CERKL: variants seen among roughly 807,000 people sequenced by gnomAD.
CERKL encodes the protein ceramide kinase-like protein.
In CERKL, 61 loss-of-function variants were observed where a neutral mutation model predicts 63.4. The ratio of observed to expected loss-of-function variants is 0.96; its 90% CI spans 0.78 to 1.19. The LOEUF is 1.19. Among genes scored for constraint, CERKL ranks in the 50% most tolerant of loss-of-function variants. The probability of loss-of-function intolerance (pLI) is 0.00; values close to 1 mark genes in which losing one functional copy is unlikely to be tolerated. For synonymous variants in CERKL, 250 were observed against 230.5 expected (o/e 1.08, Z -0.77); for missense variants, 675 against 655.5 (o/e 1.03, Z -0.33).
In CERKL at chr2:181,653,757, G is replaced by T. The variant is rs1346732737; in HGVS notation, c.238+3012C>A. Among the ~76,000 whole-genome samples the T allele has an allele frequency of 2.0e-5, 3 of 152,114 alleles. No individual in the cohort carries two copies. The East Asian group carries it at 5.8e-4, about 29-fold the overall frequency. ...GTTACCAGAGACTGGGAAGGGGAGG[G>T]GAGAAGGAAGGATGGAGAGAGGTTA... is the stretch of plus-strand genomic sequence containing the variant. On this transcript the variant is annotated intron_variant, in intron 1 of 12. Coordinates refer to ENST00000410087, the MANE Select transcript of CERKL (RefSeq NM_201548.5).
At chr2:181,645,691 T>G (rs185302350) in intron 1 of CERKL, among the ~76,000 whole-genome samples, 1 of 152,254 alleles carries the variant, frequency 6.6e-6, no homozygotes, top group Admixed American at 6.5e-5. Flanking sequence ...TCTTTCACTA[T>G]GCCCTTTTGG....
intron 1 of CERKL, among the ~76,000 whole-genome samples, chr2:181,623,252 G>T (rs1406186876): frequency 6.6e-6 from 1 of 152,098 alleles, no homozygotes; most frequent in Non-Finnish European, 1.5e-5. Context: ...AAGACACAAG[G>T]TGATCAGAAA....
At chr2:181,629,273 T>C (rs1686848179) in intron 1 of CERKL, among the ~76,000 whole-genome samples, 1 of 152,136 alleles carries the variant, frequency 6.6e-6, no homozygotes, top group Non-Finnish European at 1.5e-5. Context: ...AAAAATAATA[T>C]TGGTGCCCTC....
At chr2:181,603,051 C>T (rs1324969841) in intron 2 of CERKL, 1 of 203,762 alleles carries the variant, frequency 4.9e-6, no homozygotes, top group Non-Finnish European at 1.1e-5. Flanking sequence ...TTCAGATACA[C>T]TGAATTCATT....
chr2:181,589,576 T>C (rs775385409), intron 2 of CERKL, among the ~76,000 whole-genome samples: 2 of 152,216 alleles, frequency 1.3e-5, no homozygotes, highest in Non-Finnish European at 2.9e-5. Flanking sequence ...GGGACAAAGA[T>C]GGACTTTTCA....
chr2:181,650,746 C>A, intron 1 of CERKL, among the ~76,000 whole-genome samples: 1 of 148,336 alleles, frequency 6.7e-6, no homozygotes. Flanking sequence ...GCAACAAGAG[C>A]GAAACTCCAT....
intron 5 of CERKL, among the ~76,000 whole-genome samples, chr2:181,551,188 T>C (rs1381701313): frequency 2.0e-5 from 3 of 152,198 alleles, no homozygotes; most frequent in Non-Finnish European, 2.9e-5. Context: ...CATGATCTTA[T>C]TTATTTAGGA....
intron 1 of CERKL, among the ~76,000 whole-genome samples, chr2:181,633,747 T>C (rs1241121890): frequency 2.0e-5 from 3 of 152,164 alleles, no homozygotes; most frequent in East Asian, 3.8e-4. Flanking sequence ...CTAACTACAA[T>C]AGAATGAGTG....
At chr2:181,549,167 A>G (rs1050712330) in intron 6 of CERKL, among the ~76,000 whole-genome samples, 3 of 152,222 alleles carry the variant, frequency 2.0e-5, no homozygotes, top group African/African-American at 7.2e-5. Context: ...ACAGTAGTTT[A>G]GTGTTACATA....
At chr2:181,604,559 T>C (rs865907367) in intron 1 of CERKL, among the ~76,000 whole-genome samples, 4 of 152,172 alleles carry the variant, frequency 2.6e-5, no homozygotes, top group African/African-American at 4.8e-5. Flanking sequence ...CATCTGAGGA[T>C]AGTCAATGTA....
In CERKL at chr2:181,547,803, G is replaced by C; in HGVS notation, c.1159+19C>G. 1 of 1,613,910 alleles carries C rather than the reference G, an allele frequency of 6.2e-7. No individual in the cohort carries two copies. Among genetic ancestry groups the C allele is most frequent in the South Asian group, 1.1e-5 (1 of 91,074 alleles). ...AACAGAACCTGGCACAGTTCTCAAG[G>C]AGATACTTTTCGACTCACCAGATTT... On this transcript the variant is annotated intron_variant, in intron 9 of 12. Transcript: ENST00000410087.
At chr2:181,647,241 GTAA>G (rs992132313) in intron 1 of CERKL, among the ~76,000 whole-genome samples, 6 of 152,202 alleles carry the variant, frequency 3.9e-5, no homozygotes, top group Admixed American at 3.9e-4. Context: ...GTCTGAAGCT[GTAA>G]TAATGATTGC....
intron 4 of CERKL, among the ~76,000 whole-genome samples, chr2:181,560,701 T>C (rs1688401662): frequency 6.6e-6 from 1 of 152,122 alleles, no homozygotes. Context: ...GAACAGGGAT[T>C]TGAAATAAGA....
At chr2:181,602,541 G>A (rs1392976038) in intron 2 of CERKL, among the ~76,000 whole-genome samples, 1 of 151,268 alleles carries the variant, frequency 6.6e-6, no homozygotes, top group Non-Finnish European at 1.5e-5. Context: ...AAATAACCAA[G>A]TCTTCTTGGA....
At chr2:181,611,464 G>C (rs1685966890) in intron 1 of CERKL, among the ~76,000 whole-genome samples, 1 of 152,038 alleles carries the variant, frequency 6.6e-6, no homozygotes, top group African/African-American at 2.4e-5. Context: ...TTTGAGACCA[G>C]CCTGGGCAAC....
Position 181,537,618 on chromosome 2 carries a change from TAATTGATGAGCTC to T in CERKL, c.*553_*565del. On this transcript the variant is annotated 3_prime_UTR_variant, in exon 13 of 13. Transcript: ENST00000410087. ...GTAACAGAATATAGGAAATTTAACA[TAATTGATGAGCTC>T]AAATCCTGAAAAATGAAAGAATCCA... 1 of 432,020 alleles carries T rather than the reference TAATTGATGAGCTC, an allele frequency of 2.3e-6. No homozygotes were observed. Among genetic ancestry groups the T allele is most frequent in the Non-Finnish European group, 4.6e-6 (1 of 219,736 alleles). 26.8% of individuals were successfully genotyped at this position (432,020 alleles called of 1,614,324 possible).
intron 1 of CERKL, among the ~76,000 whole-genome samples, chr2:181,627,138 T>C (rs1048380248): frequency 6.6e-6 from 1 of 152,202 alleles, no homozygotes; most frequent in African/African-American, 2.4e-5. Context: ...GACCTAAATA[T>C]TGAGGATTTG....
At chr2:181,554,875 T>C (rs1335480358) in intron 5 of CERKL, among the ~76,000 whole-genome samples, 1 of 152,126 alleles carries the variant, frequency 6.6e-6, no homozygotes, top group African/African-American at 2.4e-5. Flanking sequence ...CATACAGTCA[T>C]CATATTAAAT....
rs746924867 is a variant in CERKL, at chr2:181,656,891, G to A, written c.116C>T (p.Thr39Met). 33 of 1,604,938 alleles carry A rather than the reference G, an allele frequency of 2.1e-5. No homozygotes were observed. The highest frequency in any genetic ancestry group is 2.6e-5 in the Non-Finnish European group (31 of 1,175,060). The change falls in exon 1 of 13, where the codon ACG becomes ATG. Residue 39 changes from threonine to methionine, a missense_variant. Transcript: ENST00000410087. ...CAGAATCCGCTCGGCCGCCGCCTCC[G>A]TCTGCTGCGGGGACGTTAACAGCGC... ...PPALLTSPQQ[T>M]EAAAERILLR...
Sources: gnomAD v4.1 joint callset for allele counts (sites outside exome capture counted in the v4.1 genomes callset) on GRCh38, gnomAD v4.1.1 for gene constraint, MANE v1.5 for transcripts, NCBI Gene and HGNC (gene_info 2026-07-23, HGNC 2026-07-21) for gene names.